Variants in GHRL observed in about 807,000 individuals in gnomAD.
GHRL encodes appetite-regulating hormone.
In GHRL, 24 loss-of-function variants were observed where a neutral mutation model predicts 16.9. The observed-to-expected ratio is 1.42, with a 90% CI of 1.03 to 2.00. GHRL has a LOEUF of 2.00. Among genes scored for constraint, GHRL ranks in the 30% most tolerant of loss-of-function variants. The pLI, the probability that GHRL is intolerant of heterozygous loss-of-function variation, is 0.00. For missense variants in GHRL, 193 were observed against 142.1 expected, an observed-to-expected ratio of 1.36 and a Z score of -1.82; for synonymous variants, 63 against 58.2, an observed-to-expected ratio of 1.08 and a Z score of -0.37.
In GHRL at chr3:10,290,748, C is replaced by T. The variant is rs1031121907; in HGVS notation, c.-62G>A. The T allele has an allele frequency of 3.0e-6, 3 of 996,540 alleles. No homozygotes were observed. The highest frequency in any genetic ancestry group is 1.7e-5 in the African/African-American group (1 of 57,518). 61.7% of individuals were successfully genotyped at this position (996,540 alleles called of 1,614,324 possible). On this transcript the variant is annotated 5_prime_UTR_variant, in exon 2 of 6. Transcript: ENST00000335542. ...TCCTGGCGGAGGTGGTGCCTGGTGG[C>T]TGTCAGGTCCTTATATAGGATGACT...
At position 10,291,001 on chromosome 3, in the gene GHRL, A is replaced by C; in HGVS notation, c.-315T>G. On this transcript the variant is annotated 5_prime_UTR_variant, in exon 2 of 6. Transcript: ENST00000335542. ...CAAGTGGGCATGGCCCTGGTGGAGG[A>C]GGGAGGGAGGAGAGTGGCTCTGGGG... is the stretch of plus-strand genomic sequence containing the variant. The C allele has an allele frequency of 1.0e-6, 1 of 984,852 alleles. No homozygotes were observed. Among genetic ancestry groups the C allele is most frequent in the Non-Finnish European group, 1.2e-6 (1 of 829,360 alleles). The allele number at this position is 984,852 out of a possible 1,614,324, so 61.0% of individuals were successfully genotyped here. A position where few individuals can be genotyped will look rare whatever the true frequency, so the allele number is the denominator to read the frequency against.
chr3:10,286,614 C>G, intron 5 of GHRL, 90 bp downstream of exon 5: 1 of 691,146 alleles, frequency 1.4e-6, no homozygotes, highest in South Asian at 1.7e-5. Context: ...TTTGGAGAGG[C>G]AGAGGTTGGG....
intron 4 of GHRL, among the ~76,000 whole-genome samples, 164 bp downstream of exon 4, chr3:10,289,598 C>G (rs188342940): frequency 1.3e-5 from 2 of 152,132 alleles, no homozygotes; most frequent in Admixed American, 1.3e-4. Flanking sequence ...TGGGTAAAGA[C>G]CTCACAGAGC....
Position 10,290,756 on chromosome 3 carries a change from T to TC in GHRL, c.-71dup. 1 of 995,360 alleles carries TC rather than the reference T, an allele frequency of 1.0e-6. No homozygotes were observed. 61.7% of individuals were successfully genotyped at this position (995,360 alleles called of 1,614,324 possible). A position where few individuals can be genotyped will look rare whatever the true frequency, so the allele number is the denominator to read the frequency against. On this transcript the variant is annotated 5_prime_UTR_variant, in exon 2 of 6. Transcript: ENST00000335542. ...GAGGTGGTGCCTGGTGGCTGTCAGG[T>TC]CCTTATATAGGATGACTGGCGTTTG...
rs139684563 is a variant in GHRL, at chr3:10,292,862, C to A, written c.-786G>T. ...CTTACCTGGACCCTGGAGGCCTCTCCGGGCACAGCTGCCAATGTTGATCTT... is the reference window on the plus strand; with the variant it reads ...CTTACCTGGACCCTGGAGGCCTCTCAGGGCACAGCTGCCAATGTTGATCTT... On this transcript the variant is annotated 5_prime_UTR_variant, in exon 1 of 6. An upstream open reading frame in the 5' UTR gains an earlier in-frame stop. Coordinates refer to ENST00000335542, the MANE Select transcript of GHRL (RefSeq NM_016362.5). The A allele has an allele frequency of 6.5e-7, 1 of 1,547,120 alleles. No homozygotes were observed. Among genetic ancestry groups the A allele is most frequent in the Non-Finnish European group, 8.7e-7 (1 of 1,143,578 alleles).
chr3:10,290,117 T>C lies in GHRL; in HGVS notation c.64A>G (p.Met22Val), dbSNP rs745943870. 3.1e-6 allele frequency: 5 copies of C among 1,613,396 alleles called. No homozygotes were observed. In the East Asian group the frequency reaches 8.9e-5, roughly 29 times the overall value. Reference sequence around the variant, plus strand: ...GGGCTCAGGAAGCTGGAGCCTGCCATGGCCAAGTCCAGCCAGAGCATGCCG... The same window carrying C: ...GGGCTCAGGAAGCTGGAGCCTGCCACGGCCAAGTCCAGCCAGAGCATGCCG... ...LLGMLWLDLAMAGSSFLSPEH... is the reference protein window; with the variant it reads ...LLGMLWLDLAVAGSSFLSPEH... The change falls in exon 3 of 6, where the codon ATG becomes GTG. Residue 22 changes from methionine (M) to valine (V), a missense_variant. Transcript: ENST00000335542.
intron 2 of GHRL, 199 bp from the exon 3 acceptor site, chr3:10,290,408 G>C (rs1699818864): frequency 1.8e-6 from 1 of 554,102 alleles, no homozygotes; most frequent in Admixed American, 3.1e-5. Flanking sequence ...GTTCAGGGCA[G>C]AACACCTGGC....
At chr3:10,290,318 C>G (rs1199933209) in intron 2 of GHRL, 109 bp from the exon 3 acceptor site, 4 of 1,073,954 alleles carry the variant, frequency 3.7e-6, no homozygotes, top group Non-Finnish European at 5.3e-6. Context: ...ATCTGGGGTC[C>G]TGACTGCTGT....
rs1198222668 is a variant in GHRL, at chr3:10,292,365, G to A, written c.-766+477C>T. ...GAACAGGATGGAATTGGGGCAGGAC[G>A]TCCAGTGAGGAGGACATTGAGGCAG... On this transcript the variant is annotated intron_variant, in intron 1 of 5. Coordinates refer to ENST00000335542, the MANE Select transcript of GHRL (RefSeq NM_016362.5). 3.6e-5 allele frequency: 6 copies of A among 165,722 alleles called. No homozygotes were observed. The South Asian group carries it at 4.3e-4, about 12-fold the overall frequency. 10.3% of individuals were successfully genotyped at this position (165,722 alleles called of 1,614,324 possible).
In GHRL at chr3:10,290,060, G is replaced by C. The variant is rs762719219; in HGVS notation, c.108+13C>G. 3.1e-6 allele frequency: 5 copies of C among 1,610,580 alleles called. No homozygotes were observed. In the South Asian group the frequency reaches 4.4e-5, roughly 14 times the overall value. Reference sequence around the variant, plus strand: ...GCTGGAACAACATGTGGGGCTTTGTGGGGAGGTCTCACCTGGACTCTCTGG... The same window carrying C: ...GCTGGAACAACATGTGGGGCTTTGTCGGGAGGTCTCACCTGGACTCTCTGG... On this transcript the variant is annotated intron_variant, in intron 3 of 5. Transcript: ENST00000335542.
intron 2 of GHRL, 83 bp from the exon 3 acceptor site, chr3:10,290,292 C>T (rs1170091561): frequency 4.3e-5 from 58 of 1,358,992 alleles, no homozygotes; most frequent in South Asian, 6.8e-5. Context: ...CAGCAGATGG[C>T]GTGAAGGGCT....
Position 10,285,769 on chromosome 3 carries a change from C to T in GHRL, c.*106G>A, listed in dbSNP as rs1413280644. Reference sequence around the variant, plus strand: ...TCAGCATACAGTTTGAACATTTATTCGCCTCCTGAGCTTGTACAACAGTCG... The same window carrying T: ...TCAGCATACAGTTTGAACATTTATTTGCCTCCTGAGCTTGTACAACAGTCG... On this transcript the variant is annotated 3_prime_UTR_variant, in exon 6 of 6. Transcript: ENST00000335542. 9.9e-6 allele frequency: 8 copies of T among 804,412 alleles called. No homozygotes were observed. The highest frequency in any genetic ancestry group is 1.5e-5 in the South Asian group (1 of 66,954). 49.8% of individuals were successfully genotyped at this position (804,412 alleles called of 1,614,324 possible).
Position 10,289,741 on chromosome 3 carries a change from TAAA to T in GHRL, c.225+18_225+20del, listed in dbSNP as rs1371943763. The stretch of plus-strand genomic sequence containing the variant: ...CACCCTCCTCGCTGCCACAGAAGCA[TAAA>T]ACTGCAGAGGTACCGACCCGGACTT... On this transcript the variant is annotated intron_variant, in intron 4 of 5. Coordinates refer to ENST00000335542, the MANE Select transcript of GHRL (RefSeq NM_016362.5). The T allele has an allele frequency of 7.0e-7, 1 of 1,427,582 alleles. No individual in the cohort carries two copies. Among genetic ancestry groups the T allele is most frequent in the Non-Finnish European group, 9.9e-7 (1 of 1,010,684 alleles). The allele number at this position is 1,427,582 out of a possible 1,614,324, so 88.4% of individuals were successfully genotyped here.
At position 10,289,839 on chromosome 3, in the gene GHRL, G is replaced by C. The variant is rs760055038; in HGVS notation, c.148C>G (p.Pro50Ala). The change falls in exon 4 of 6, where the codon CCC (proline) becomes GCC (alanine). Residue 50 changes from proline (P) to alanine (A), a missense_variant. Coordinates refer to ENST00000335542, the MANE Select transcript of GHRL (RefSeq NM_016362.5). Reference protein sequence around the residue: ...ESKKPPAKLQPRALAGWLRPE... With the variant: ...ESKKPPAKLQARALAGWLRPE... The stretch of plus-strand genomic sequence containing the variant: ...CGGAGCCAGCCTGCTAGAGCTCGGG[G>C]CTGCAGCTTGGCTGGTGGCTTCTTC... 2 of 1,613,858 alleles carry C rather than the reference G, an allele frequency of 1.2e-6. No homozygotes were observed. Among genetic ancestry groups the C allele is most frequent in the African/African-American group, 2.7e-5 (2 of 74,964 alleles).
At chr3:10,287,778 A>T (rs933098101) in intron 4 of GHRL, among the ~76,000 whole-genome samples, 3 of 152,156 alleles carry the variant, frequency 2.0e-5, no homozygotes, top group African/African-American at 7.2e-5. Context: ...GGTAGGCGCT[A>T]CCACTGTGCC....
At chr3:10,289,234 C>T (rs1025135637) in intron 4 of GHRL, among the ~76,000 whole-genome samples, 17 of 152,230 alleles carry the variant, frequency 1.1e-4, no homozygotes, top group East Asian at 3.9e-4. Flanking sequence ...CCTTGCCCCA[C>T]GCACGATTTG....
chr3:10,292,818 C>T (rs750613439), intron 1 of GHRL, 24 bp downstream of exon 1: 83 of 1,415,176 alleles, frequency 5.9e-5, no homozygotes, highest in Non-Finnish European at 7.7e-5. Flanking sequence ...CAGGTACCTC[C>T]TGAGACATGA....
Position 10,289,747 on chromosome 3 carries a change from T to G in GHRL, c.225+15A>C, listed in dbSNP as rs1412981788. On this transcript the variant is annotated intron_variant, in intron 4 of 5. Coordinates refer to ENST00000335542, the MANE Select transcript of GHRL (RefSeq NM_016362.5). ...CCTCGCTGCCACAGAAGCATAAAAC[T>G]GCAGAGGTACCGACCCGGACTTCCA... is the stretch of plus-strand genomic sequence containing the variant. 1 of 1,455,210 alleles carries G rather than the reference T, an allele frequency of 6.9e-7. No individual in the cohort carries two copies. Among genetic ancestry groups the G allele is most frequent in the Non-Finnish European group, 9.6e-7 (1 of 1,038,456 alleles). The allele number at this position is 1,455,210 out of a possible 1,614,324, so 90.1% of individuals were successfully genotyped here.
chr3:10,290,598 T>C, intron 2 of GHRL, 118 bp downstream of exon 2: 1 of 343,040 alleles, frequency 2.9e-6, no homozygotes, highest in Non-Finnish European at 4.5e-6. Flanking sequence ...AGCCAGACAG[T>C]CCGACATCCC....
Sources: allele counts gnomAD v4.1 joint callset (sites outside exome capture counted in the v4.1 genomes callset), GRCh38; gene constraint gnomAD v4.1.1; transcripts MANE v1.5; gene names NCBI Gene and HGNC (gene_info 2026-07-23, HGNC 2026-07-21).